OR51B5: variants seen among roughly 807,000 people sequenced by gnomAD.
OR51B5 encodes olfactory receptor family 51 subfamily B member 5, also known as olfactory receptor 51B5.
For synonymous variants in OR51B5, 186 were observed against 144.8 expected (o/e 1.28, Z -2.04); for missense variants, 456 against 374.6 (o/e 1.22, Z -1.79).
chr11:5,470,843 C>A (rs879779838), intron 1 of OR51B5, among the ~76,000 whole-genome samples: 3 of 152,178 alleles, frequency 2.0e-5, no homozygotes, highest in African/African-American at 7.2e-5. Flanking sequence ...ATCTGCAGAA[C>A]CTTCCTGAGG....
chr11:5,401,697 TTC>T (rs1274617568), intron 1 of OR51B5, among the ~76,000 whole-genome samples: 3 of 152,194 alleles, frequency 2.0e-5, no homozygotes, highest in African/African-American at 4.8e-5. Flanking sequence ...TTGCTTACAT[TTC>T]TCTGTCTCCC....
intron 1 of OR51B5, among the ~76,000 whole-genome samples, chr11:5,433,414 T>TC (rs1174682094): frequency 9.2e-5 from 14 of 152,222 alleles, no homozygotes; most frequent in Non-Finnish European, 1.9e-4. Flanking sequence ...AAAACTGAAT[T>TC]ACTTCCAATC....
At chr11:5,376,961 G>C (rs1849537817) in intron 1 of OR51B5, among the ~76,000 whole-genome samples, 1 of 152,064 alleles carries the variant, frequency 6.6e-6, no homozygotes, top group African/African-American at 2.4e-5. Context: ...CTCATTTTAT[G>C]AGGCCAGCAT....
intron 1 of OR51B5, among the ~76,000 whole-genome samples, chr11:5,388,273 C>G (rs1027321254): frequency 1.3e-5 from 2 of 151,524 alleles, no homozygotes; most frequent in African/African-American, 4.9e-5. Flanking sequence ...TTTATGTCCA[C>G]AAGGAATTCA....
chr11:5,485,897 A>G (rs1851491061), intron 1 of OR51B5, among the ~76,000 whole-genome samples: 1 of 152,134 alleles, frequency 6.6e-6, no homozygotes, highest in African/African-American at 2.4e-5. Context: ...GTATTTAATG[A>G]TAAGATCTTT....
At chr11:5,464,540 G>C (rs1218324872) in intron 1 of OR51B5, among the ~76,000 whole-genome samples, 11 of 148,556 alleles carry the variant, frequency 7.4e-5, no homozygotes, top group Non-Finnish European at 1.2e-4. Flanking sequence ...TGTGGTGTTT[G>C]GTTTTTTGTT....
At chr11:5,469,822 A>G (rs1323956802) in intron 1 of OR51B5, among the ~76,000 whole-genome samples, 1 of 152,088 alleles carries the variant, frequency 6.6e-6, no homozygotes, top group Non-Finnish European at 1.5e-5. Flanking sequence ...TCCTCCATGA[A>G]GTCTTTCCTT....
intron 1 of OR51B5, among the ~76,000 whole-genome samples, chr11:5,447,270 G>T (rs866324353): frequency 6.6e-6 from 1 of 152,124 alleles, no homozygotes; most frequent in Non-Finnish European, 1.5e-5. Context: ...GATGGATACA[G>T]CTGGTTGGGA....
At chr11:5,448,782 A>C (rs1850805077) in intron 1 of OR51B5, among the ~76,000 whole-genome samples, 1 of 152,212 alleles carries the variant, frequency 6.6e-6, no homozygotes, top group African/African-American at 2.4e-5. Context: ...GAGTTAGCAC[A>C]TGAAGGATGA....
At chr11:5,483,162 G>T (rs2133809598) in intron 1 of OR51B5, among the ~76,000 whole-genome samples, 1 of 150,214 alleles carries the variant, frequency 6.7e-6, no homozygotes, top group East Asian at 2.0e-4. Flanking sequence ...ATACACCATG[G>T]AATACTATGC....
intron 1 of OR51B5, among the ~76,000 whole-genome samples, chr11:5,416,143 G>T (rs1242381056): frequency 6.7e-6 from 1 of 149,100 alleles, no homozygotes; most frequent in Admixed American, 6.7e-5. Context: ...AATAAATGTA[G>T]TCCAGCATAT....
chr11:5,477,671 G>A (rs1302530989), intron 1 of OR51B5, among the ~76,000 whole-genome samples: 28 of 152,142 alleles, frequency 1.8e-4, no homozygotes, highest in South Asian at 1.7e-3. Flanking sequence ...TGCGCGAGCC[G>A]AAGCAGGGTG....
intron 1 of OR51B5, chr11:5,351,489 C>T (rs1175305507): frequency 6.3e-7 from 1 of 1,585,314 alleles, no homozygotes; most frequent in Non-Finnish European, 8.6e-7. Context: ...TAAATATTTG[C>T]CTCTTTGCAA....
intron 1 of OR51B5, among the ~76,000 whole-genome samples, chr11:5,496,983 G>A (rs1851658925): frequency 6.6e-6 from 1 of 151,754 alleles, no homozygotes; most frequent in Non-Finnish European, 1.5e-5. Flanking sequence ...ATTGCTCATT[G>A]GTCTCCAACC....
At chr11:5,351,756 G>T in intron 1 of OR51B5, 2 of 1,614,038 alleles carry the variant, frequency 1.2e-6, no homozygotes, top group South Asian at 2.2e-5. Flanking sequence ...TAGGTGTTCT[G>T]TGGTTAGATC....
chr11:5,439,694 A>G (rs1489490929), intron 1 of OR51B5, among the ~76,000 whole-genome samples: 1 of 152,210 alleles, frequency 6.6e-6, no homozygotes, highest in Non-Finnish European at 1.5e-5. Context: ...GAAATCATAT[A>G]TCGAGAACCA....
chr11:5,427,305 G>C (rs930784929), intron 1 of OR51B5, among the ~76,000 whole-genome samples: 1 of 152,230 alleles, frequency 6.6e-6, no homozygotes, highest in Non-Finnish European at 1.5e-5. Context: ...CACAGAGAAT[G>C]AAAGTGAGGC....
chr11:5,374,109 G>A (rs553130903), intron 1 of OR51B5, among the ~76,000 whole-genome samples: 16 of 152,068 alleles, frequency 1.1e-4, no homozygotes, highest in Non-Finnish European at 1.3e-4. Flanking sequence ...CACCTCACAC[G>A]GCCAGGTACT....
intron 1 of OR51B5, among the ~76,000 whole-genome samples, chr11:5,443,344 T>A (rs1850718940): frequency 6.6e-6 from 1 of 152,154 alleles, no homozygotes; most frequent in African/African-American, 2.4e-5. Context: ...GAGATTCATC[T>A]ATTCCTTTGG....
Sources: allele counts gnomAD v4.1 joint callset (sites outside exome capture counted in the v4.1 genomes callset), GRCh38; gene constraint gnomAD v4.1.1; transcripts MANE v1.5; gene names NCBI Gene and HGNC (gene_info 2026-07-23, HGNC 2026-07-21).